Variants in FAM149A observed in about 807,000 individuals in gnomAD.
The protein encoded by FAM149A is protein FAM149A.
FAM149A carries 71 observed loss-of-function variants against 78.2 expected under a neutral mutation model. The ratio of observed to expected loss-of-function variants is 0.91; its 90% CI spans 0.75 to 1.11. The LOEUF is 1.11. FAM149A is among the 50% of genes least tolerant of loss of function. The pLI is 0.00. For synonymous variants in FAM149A, 446 were observed against 410.5 expected (o/e 1.09, Z -1.04); for missense variants, 1,036 against 971.0 (o/e 1.07, Z -0.89).
chr4:186,155,064 G>T, intron 6 of FAM149A: 4 of 355,522 alleles, frequency 1.1e-5, no homozygotes, highest in Non-Finnish European at 1.6e-5. Context: ...CCGGGTTCAC[G>T]CCATTCTCCT....
Position 186,110,295 on chromosome 4 carries a change from G to C in FAM149A, c.566+4653G>C, listed in dbSNP as rs550223677. On this transcript the variant is annotated intron_variant, in intron 1 of 13. Coordinates refer to ENST00000389354, the MANE Select transcript of FAM149A (RefSeq NM_001367768.3). Reference sequence around the variant, plus strand: ...TTAGGTCTTTTTGTTTCATCGTCTTGAGTTTTTCCAAAGTTAGTAATGCTT... The same window carrying C: ...TTAGGTCTTTTTGTTTCATCGTCTTCAGTTTTTCCAAAGTTAGTAATGCTT... 304 of 985,116 alleles carry C rather than the reference G, an allele frequency of 3.1e-4. 1 individual carries two copies. In the African/African-American group the frequency reaches 5.1e-3, roughly 16 times the overall value. 61.0% of individuals were successfully genotyped at this position (985,116 alleles called of 1,614,324 possible). A position where few individuals can be genotyped will look rare whatever the true frequency, so the allele number is the denominator to read the frequency against.
chr4:186,166,608 G>A (rs963587900), intron 11 of FAM149A, among the ~76,000 whole-genome samples: 11 of 132,932 alleles, frequency 8.3e-5, no homozygotes, highest in Non-Finnish European at 6.1e-5. Flanking sequence ...CCGCGATCAC[G>A]CCATTGCACT....
chr4:186,165,490 G>T (rs2126539295), intron 11 of FAM149A, 26 bp downstream of exon 11: 1 of 1,613,098 alleles, frequency 6.2e-7, no homozygotes, highest in East Asian at 2.2e-5. Context: ...TTCTATTTCA[G>T]TGGACCATTT....
intron 1 of FAM149A, among the ~76,000 whole-genome samples, chr4:186,115,463 G>A (rs1310910515): frequency 2.9e-5 from 4 of 135,602 alleles, no homozygotes; most frequent in African/African-American, 1.1e-4. Flanking sequence ...TGGAGGAGGA[G>A]AGGCGCTCTG....
chr4:186,117,540 C>T (rs1389664465), intron 1 of FAM149A: 1 of 985,410 alleles, frequency 1.0e-6, no homozygotes, highest in Non-Finnish European at 1.2e-6. Flanking sequence ...GGCACATGGA[C>T]ACCTGGGGCT....
At chr4:186,135,702 G>A (rs552700024) in intron 1 of FAM149A, among the ~76,000 whole-genome samples, 7 of 152,238 alleles carry the variant, frequency 4.6e-5, no homozygotes, top group Non-Finnish European at 8.8e-5. Context: ...GCCTTCTGGC[G>A]CTTAGGAACA....
chr4:186,160,897 G>A (rs1393885285), intron 8 of FAM149A: 16 of 983,932 alleles, frequency 1.6e-5, no homozygotes, highest in Non-Finnish European at 1.8e-5. Flanking sequence ...TTAATACTCC[G>A]TGATTGTAAA....
chr4:186,155,653 A>T (rs1169128394), intron 6 of FAM149A, among the ~76,000 whole-genome samples: 1 of 152,172 alleles, frequency 6.6e-6, no homozygotes, highest in Non-Finnish European at 1.5e-5. Flanking sequence ...CTACATTGAG[A>T]AAAAAGACAT....
chr4:186,137,019 TAA>T lies in FAM149A; in HGVS notation c.567-12153_567-12152del, dbSNP rs1554068549. ...CTCTCTCTCTCTCTCTCTCTCTCTC[TAA>T]GTGCTTAAAGCAGGGCCTGGTGTGT... On this transcript the variant is annotated intron_variant, in intron 1 of 13. Transcript: ENST00000389354. Among the ~76,000 whole-genome samples, 203 of 125,520 alleles carry T rather than the reference TAA, an allele frequency of 1.6e-3. 3 individuals carry two copies. The highest frequency in any genetic ancestry group is 0.014 in the East Asian group (32 of 2,356). The allele number at this position is 125,520 out of a possible 152,430, so 82.3% of individuals were successfully genotyped here.
intron 1 of FAM149A, chr4:186,133,271 G>A: frequency 1.2e-6 from 1 of 857,684 alleles, no homozygotes; most frequent in Non-Finnish European, 1.4e-6. Context: ...CACATTCACA[G>A]TGTTGTGCAG....
At chr4:186,114,365 C>CT (rs1364787641) in intron 1 of FAM149A, among the ~76,000 whole-genome samples, 1 of 2,738 alleles carries the variant, frequency 3.7e-4, no homozygotes, top group African/African-American at 8.4e-4. Context: ...CAGTCTGTGT[C>CT]TTTTAATTGG....
In FAM149A at chr4:186,104,941, G is replaced by A. The variant is rs887936931; in HGVS notation, c.-136G>A. 2.8e-5 allele frequency: 32 copies of A among 1,154,260 alleles called. No homozygotes were observed. The African/African-American group carries it at 5.3e-4, about 19-fold the overall frequency. 71.5% of individuals were successfully genotyped at this position (1,154,260 alleles called of 1,614,324 possible). On this transcript the variant is annotated 5_prime_UTR_variant, in exon 1 of 14. Transcript: ENST00000389354. Reference sequence around the variant, plus strand: ...CGCGGAGCTGAGCGTCCTCGGGGAGGAGAGGGAGCCAGGGGCCTCCGGGGC... The same window carrying A: ...CGCGGAGCTGAGCGTCCTCGGGGAGAAGAGGGAGCCAGGGGCCTCCGGGGC...
At chr4:186,157,756 C>T (rs1734169022) in intron 8 of FAM149A, 37 bp downstream of exon 8, 2 of 1,582,262 alleles carry the variant, frequency 1.3e-6, no homozygotes, top group South Asian at 1.2e-5. Context: ...CTTGCCTTCA[C>T]TCTGTGTGTC....
At chr4:186,171,037 C>G (rs531554898) in intron 13 of FAM149A, 1 of 152,530 alleles carries the variant, frequency 6.6e-6, no homozygotes, top group South Asian at 2.1e-4. Context: ...CATCTTTCTG[C>G]GGTCCTTCTG....
rs748908920 is a variant in FAM149A at position 186,166,971 on chromosome 4, A to G, written c.2014A>G (p.Arg672Gly). 6.2e-7 allele frequency: 1 copy of G among 1,613,602 alleles called. No individual in the cohort carries two copies. Among genetic ancestry groups the G allele is most frequent in the Non-Finnish European group, 8.5e-7 (1 of 1,179,738 alleles). Residue 672 changes from arginine (R) to glycine (G), a missense_variant, in exon 12 of 14, where the codon AGA becomes GGA. Transcript: ENST00000389354. ...GAACATACTATCCTTCATTTAGTAC[A>G]GAGGAAGGCATCTACAAAACCGTGT...
At position 186,105,768 on chromosome 4, in the gene FAM149A, C is replaced by T. The variant is rs115349924; in HGVS notation, c.566+126C>T. On this transcript the variant is annotated intron_variant, in intron 1 of 13. Coordinates refer to ENST00000389354, the MANE Select transcript of FAM149A (RefSeq NM_001367768.3). ...TATTTGTAGTAACTTTCATAACCCC[C>T]TGGGCACCCTCCTTGCACGTTTCCT... is the stretch of plus-strand genomic sequence containing the variant. 1.8e-3 allele frequency: 1,066 copies of T among 598,724 alleles called. 14 individuals carry two copies. In the African/African-American group the frequency reaches 0.02, roughly 11 times the overall value. 37.1% of individuals were successfully genotyped at this position (598,724 alleles called of 1,614,324 possible).
intron 1 of FAM149A, chr4:186,130,263 A>ATATCTC (rs1554068048): frequency 1.5e-5 from 1 of 67,098 alleles, no homozygotes; most frequent in Non-Finnish European, 2.8e-5. Flanking sequence ...ACTTTATGAA[A>ATATCTC]TCTCTCTCTC....
chr4:186,119,167 G>C (rs757401901), intron 1 of FAM149A, among the ~76,000 whole-genome samples: 9 of 152,118 alleles, frequency 5.9e-5, no homozygotes, highest in Non-Finnish European at 1.2e-4. Context: ...ACAATTCATA[G>C]GCAAAAATTT....
intron 1 of FAM149A, among the ~76,000 whole-genome samples, chr4:186,147,837 T>A (rs1180823327): frequency 6.6e-6 from 1 of 152,122 alleles, no homozygotes; most frequent in Admixed American, 6.5e-5. Context: ...GCATAAAGCG[T>A]GTCCTTTATT....
Sources: gnomAD v4.1 joint callset for allele counts (sites outside exome capture counted in the v4.1 genomes callset) on GRCh38, gnomAD v4.1.1 for gene constraint, MANE v1.5 for transcripts, NCBI Gene and HGNC (gene_info 2026-07-23, HGNC 2026-07-21) for gene names.